The following CR2 variants were observed in gnomAD, a reference collection of about 807,000 sequenced individuals.
CR2 encodes complement C3d receptor 2.
Under a neutral mutation model 123.0 loss-of-function variants are expected in CR2, and 96 were observed. That is an observed-to-expected ratio of 0.78 (90% confidence interval 0.66 to 0.93). The LOEUF is 0.93. CR2 is among the 40% of genes least tolerant of loss of function. The pLI, the probability that CR2 is intolerant of heterozygous loss-of-function variation, is 0.00. For synonymous variants in CR2, 484 were observed against 469.5 expected (o/e 1.03, Z -0.40); for missense variants, 1,258 against 1,361.0 (o/e 0.92, Z 1.19).
In CR2 at chr1:207,473,624, A is replaced by T; in HGVS notation, c.2058A>T (p.Val686=). Residue 686 remains valine (V), a synonymous_variant, in exon 11 of 20, where the codon GTA becomes GTT. Transcript: ENST00000367057. ...TCTTCTTTGTCTCTGGGATGACTGT[A>T]GACTACACTTGTGACCCTGGCTATT... The part of the protein sequence containing the change: ...NTVFFVSGMT[V]DYTCDPGYLL... 1 of 1,613,992 alleles carries T rather than the reference A, an allele frequency of 6.2e-7. No homozygotes were observed. The highest frequency in any genetic ancestry group is 8.5e-7 in the Non-Finnish European group (1 of 1,179,890).
In CR2 at chr1:207,474,943, G is replaced by A. The variant is rs1462447615; in HGVS notation, c.2443G>A (p.Gly815Arg). 1 of 1,613,964 alleles carries A rather than the reference G, an allele frequency of 6.2e-7. No homozygotes were observed. Among genetic ancestry groups the A allele is most frequent in the African/African-American group, 1.3e-5 (1 of 74,902 alleles). ...ATGTGACCAAGGATTCTATCTCCTG[G>A]GAGAGAAAAAATTGCAGTGCAGAAG... ...YECDQGFYLLGEKKLQCRSDS... is the reference protein window; with the variant it reads ...YECDQGFYLLREKKLQCRSDS... The change falls in exon 14 of 20, where the codon GGA becomes AGA. Residue 815 changes from glycine (G) to arginine (R), a missense_variant. Coordinates refer to ENST00000367057, the MANE Select transcript of CR2 (RefSeq NM_001006658.3).
chr1:207,471,033 C>G lies in CR2; in HGVS notation c.1439C>G (p.Thr480Arg). 6.2e-7 allele frequency: 1 copy of G among 1,613,816 alleles called. No homozygotes were observed. ...ACEATGRQLL[T>R]KPQHQFVRPD... ...GAAGCTACAGGAAGGCAACTCTTGA[C>G]AAAACCCCAGCACCAATTTGTTAGA... The change falls in exon 8 of 20, where the codon ACA becomes AGA. Residue 480 changes from threonine to arginine, a missense_variant. Coordinates refer to ENST00000367057, the MANE Select transcript of CR2 (RefSeq NM_001006658.3).
chr1:207,473,349 C>T (rs1265928357), intron 10 of CR2, among the ~76,000 whole-genome samples, 170 bp downstream of exon 10: 1 of 152,058 alleles, frequency 6.6e-6, no homozygotes, highest in Admixed American at 6.5e-5. Context: ...ATGCAAATGC[C>T]CCCTTGGATC....
rs147860820 is a variant in CR2, at chr1:207,466,709, A to G, written c.242A>G (p.Lys81Arg). 15 of 1,614,006 alleles carry G rather than the reference A, an allele frequency of 9.3e-6. No individual in the cohort carries two copies. Among genetic ancestry groups the G allele is most frequent in the Non-Finnish European group, 1.2e-5 (14 of 1,180,010 alleles). ...GGAACCTGGGATAAACCTGCTCCTA[A>G]ATGTGAATATTTCAATAAATATTCT... ...VDGTWDKPAP[K>R]CEYFNKYSSC... is the part of the protein sequence containing the mutation. The change falls in exon 2 of 20, where the codon AAA becomes AGA. Residue 81 changes from lysine to arginine, a missense_variant. Physicochemically the swap from Lys to Arg is conservative, Grantham distance 26 (BLOSUM62 2). Transcript: ENST00000367057.
At chr1:207,475,614 C>T (rs1252891893) in intron 14 of CR2, among the ~76,000 whole-genome samples, 1 of 152,172 alleles carries the variant, frequency 6.6e-6, no homozygotes, top group African/African-American at 2.4e-5. Context: ...AATTAATTGG[C>T]CCTCCAACCC....
chr1:207,471,025 A>G lies in CR2; in HGVS notation c.1431A>G (p.Gln477=). Residue 477 remains glutamine (Q), a synonymous_variant, in exon 8 of 20, where the codon CAA becomes CAG. Transcript: ENST00000367057. ...KVAACEATGR[Q]LLTKPQHQFV... Reference sequence around the variant, plus strand: ...CAGCGTGTGAAGCTACAGGAAGGCAACTCTTGACAAAACCCCAGCACCAAT... The same window carrying G: ...CAGCGTGTGAAGCTACAGGAAGGCAGCTCTTGACAAAACCCCAGCACCAAT... 1 of 1,613,632 alleles carries G rather than the reference A, an allele frequency of 6.2e-7. No homozygotes were observed. Among genetic ancestry groups the G allele is most frequent in the Admixed American group, 1.7e-5 (1 of 59,982 alleles).
At chr1:207,487,748 C>T (rs1468099993) in intron 19 of CR2, among the ~76,000 whole-genome samples, 9 of 151,518 alleles carry the variant, frequency 5.9e-5, no homozygotes, top group Non-Finnish European at 1.0e-4. Context: ...AAGAATTGCT[C>T]GAACAAGGTC....
In CR2 at chr1:207,469,145, T is replaced by A. The variant is rs781540705; in HGVS notation, c.735-5T>A. On this transcript the variant is annotated splice_polypyrimidine_tract_variant and splice_region_variant and intron_variant, in intron 4 of 19. Coordinates refer to ENST00000367057, the MANE Select transcript of CR2 (RefSeq NM_001006658.3). The stretch of plus-strand genomic sequence containing the variant: ...TAGTTCTGAATGACAACCTTCTGTC[T>A]CCAGGTATCGACTGCAAGGCCCACC... 6.2e-7 allele frequency: 1 copy of A among 1,613,534 alleles called. No homozygotes were observed. Among genetic ancestry groups the A allele is most frequent in the Admixed American group, 1.7e-5 (1 of 60,000 alleles).
At chr1:207,455,344 C>A (rs2102292907) in intron 1 of CR2, among the ~76,000 whole-genome samples, 1 of 152,306 alleles carries the variant, frequency 6.6e-6, no homozygotes, top group African/African-American at 2.4e-5. Context: ...TCAGTTTCTT[C>A]ATCTGTAAAA....
At position 207,477,889 on chromosome 1, in the gene CR2, A is replaced by G; in HGVS notation, c.2907A>G (p.Val969=). 6.2e-7 allele frequency: 1 copy of G among 1,613,896 alleles called. No homozygotes were observed. Among genetic ancestry groups the G allele is most frequent in the South Asian group, 1.1e-5 (1 of 91,076 alleles). ...WSQPAPHCKE[V]NCSSPADMDG... ...ATTAGATTTCTTTAATTTCAGAGGT[A>G]AACTGTAGCTCACCAGCAGATATGG... The change falls in exon 16 of 20, where the codon GTA becomes GTG. Residue 969 remains valine (V), a synonymous_variant. Coordinates refer to ENST00000367057, the MANE Select transcript of CR2 (RefSeq NM_001006658.3).
rs759686481 is a variant in CR2, at chr1:207,475,096, T to C, written c.2596T>C (p.Ser866Pro). ...GCTCAATAAAACACATTCTGCATAT[T>C]CCCACAATGACATAGTGTATGTTGA... ...YKLNKTHSAY[S>P]HNDIVYVDCN... The change falls in exon 14 of 20, where the codon TCC (serine) becomes CCC (proline). Residue 866 changes from serine (S) to proline (P), a missense_variant. Physicochemically the swap from Ser to Pro is moderately conservative, Grantham distance 74. Transcript: ENST00000367057. 2.0e-5 allele frequency: 33 copies of C among 1,612,350 alleles called. No individual in the cohort carries two copies. The highest frequency in any genetic ancestry group is 2.7e-5 in the African/African-American group (2 of 74,850).
At chr1:207,456,190 C>T (rs534606824) in intron 1 of CR2, among the ~76,000 whole-genome samples, 1 of 152,320 alleles carries the variant, frequency 6.6e-6, no homozygotes, top group Non-Finnish European at 1.5e-5. Context: ...AGCTCACACC[C>T]CCTGATTTCT....
chr1:207,466,673 A>T lies in CR2; in HGVS notation c.206A>T (p.Asp69Val). 1 of 1,614,114 alleles carries T rather than the reference A, an allele frequency of 6.2e-7. No individual in the cohort carries two copies. Among genetic ancestry groups the T allele is most frequent in the Non-Finnish European group, 8.5e-7 (1 of 1,179,996 alleles). ...AAAAGTCTATTATGCATAACTAAAG[A>T]CAAAGTGGATGGAACCTGGGATAAA... is the stretch of plus-strand genomic sequence containing the variant. The part of the protein sequence containing the change: ...GEKSLLCITK[D>V]KVDGTWDKPA... Residue 69 changes from aspartate to valine, a missense_variant, in exon 2 of 20, where the codon GAC becomes GTC. Physicochemically the swap from Asp to Val is radical, Grantham distance 152. Transcript: ENST00000367057.
At chr1:207,467,555 G>T (rs1292392538) in intron 2 of CR2, among the ~76,000 whole-genome samples, 1 of 151,894 alleles carries the variant, frequency 6.6e-6, no homozygotes, top group Non-Finnish European at 1.5e-5. Flanking sequence ...GGCAATATTT[G>T]ACAAAAATTA....
chr1:207,487,080 T>C (rs138779223), intron 19 of CR2, among the ~76,000 whole-genome samples: 72 of 152,264 alleles, frequency 4.7e-4, no homozygotes, highest in African/African-American at 1.7e-3. Context: ...TACTGAGCCC[T>C]GGATCCTCCA....
chr1:207,472,632 T>C (rs1050949552), intron 9 of CR2, 140 bp from the exon 10 acceptor site: 2 of 803,368 alleles, frequency 2.5e-6, no homozygotes, highest in Non-Finnish European at 4.0e-6. Flanking sequence ...CTTAATGAGC[T>C]TTCACACAAC....
chr1:207,459,773 A>G (rs1332810946), intron 1 of CR2, among the ~76,000 whole-genome samples: 1 of 152,176 alleles, frequency 6.6e-6, no homozygotes, highest in African/African-American at 2.4e-5. Context: ...GAAAATTTGT[A>G]TTACTTGATG....
intron 14 of CR2, 24 bp from the exon 15 acceptor site, chr1:207,476,210 G>A (rs758296350): frequency 6.2e-7 from 1 of 1,611,212 alleles, no homozygotes; most frequent in Admixed American, 1.7e-5. Flanking sequence ...CTGAGTTAAA[G>A]ACCCTTTCTT....
chr1:207,484,924 G>T (rs2102314749), intron 18 of CR2, among the ~76,000 whole-genome samples: 1 of 152,300 alleles, frequency 6.6e-6, no homozygotes, highest in South Asian at 2.1e-4. Context: ...AGTTGTAGTT[G>T]TTAGTCATTA....
Sources: allele counts gnomAD v4.1 joint callset (sites outside exome capture counted in the v4.1 genomes callset), GRCh38; gene constraint gnomAD v4.1.1; transcripts MANE v1.5; gene names NCBI Gene and HGNC (gene_info 2026-07-23, HGNC 2026-07-21).